PTPRD: variants seen among roughly 807,000 people sequenced by gnomAD.
PTPRD encodes protein tyrosine phosphatase receptor type D, also known as receptor-type tyrosine-protein phosphatase delta.
In PTPRD, 34 loss-of-function variants were observed where a neutral mutation model predicts 214.5. That is an observed-to-expected ratio of 0.16 (90% CI 0.12 to 0.21). The LOEUF (loss-of-function observed/expected upper bound fraction) is 0.21. Among genes scored for constraint, PTPRD ranks in the 10% least tolerant of loss-of-function variants. The pLI is 1.00. For missense variants in PTPRD, 2,545 were observed against 2,398.7 expected (o/e 1.06, Z -1.27); for synonymous variants, 1,128 against 845.7 (o/e 1.33, Z -5.79).
intron 3 of PTPRD, among the ~76,000 whole-genome samples, chr9:10,126,905 A>C (rs967155041): frequency 6.6e-6 from 1 of 150,618 alleles, no homozygotes; most frequent in African/African-American, 2.4e-5. Context: ...TTGCCATGTA[A>C]CCAGCTCCCA....
intron 14 of PTPRD, among the ~76,000 whole-genome samples, chr9:8,616,403 G>C (rs1435309800): frequency 6.6e-6 from 1 of 152,026 alleles, no homozygotes; most frequent in African/African-American, 2.4e-5. Context: ...TTAACACCTT[G>C]CTTTACAAGT....
intron 4 of PTPRD, among the ~76,000 whole-genome samples, chr9:9,974,136 G>T (rs932930038): frequency 3.3e-5 from 5 of 152,158 alleles, no homozygotes; most frequent in African/African-American, 1.2e-4. Flanking sequence ...AAATGGAGAA[G>T]CCATCCTCAA....
At chr9:9,185,903 C>A (rs2099931133) in intron 9 of PTPRD, among the ~76,000 whole-genome samples, 1 of 150,036 alleles carries the variant, frequency 6.7e-6, no homozygotes, top group African/African-American at 2.5e-5. Context: ...GACCACCACA[C>A]AAGTGCCTTT....
chr9:8,751,681 A>G (rs1040517940), intron 11 of PTPRD, among the ~76,000 whole-genome samples: 2 of 152,176 alleles, frequency 1.3e-5, no homozygotes, highest in Non-Finnish European at 2.9e-5. Flanking sequence ...TTCATCCCTT[A>G]GTCTTCACTC....
At position 10,256,155 on chromosome 9, in the gene PTPRD, C is replaced by T. The variant is rs996136155; in HGVS notation, c.-545+84808G>A. 1.3e-4 allele frequency among the ~76,000 whole-genome samples: 20 copies of T among 152,174 alleles called. 1 individual carries two copies. The highest frequency in any genetic ancestry group is 1.2e-3 in the Admixed American group (19 of 15,268). On this transcript the variant is annotated intron_variant, in intron 3 of 45. Coordinates refer to ENST00000381196, the MANE Select transcript of PTPRD (RefSeq NM_002839.4). ...TTTCATCCTGAAACCAACCCACCCT[C>T]TCCCATTGCCCTCAGTTTGTGGAAA...
At chr9:9,133,211 A>T (rs1372256853) in intron 10 of PTPRD, among the ~76,000 whole-genome samples, 1 of 152,196 alleles carries the variant, frequency 6.6e-6, no homozygotes, top group Non-Finnish European at 1.5e-5. Context: ...AGAGAATTAC[A>T]CAGAGGTAGG....
At chr9:9,189,114 G>A (rs911894675) in intron 9 of PTPRD, among the ~76,000 whole-genome samples, 8 of 152,026 alleles carry the variant, frequency 5.3e-5, no homozygotes, top group African/African-American at 1.7e-4. Flanking sequence ...TTTCAGGTAT[G>A]AGGAATTTTC....
intron 9 of PTPRD, among the ~76,000 whole-genome samples, chr9:9,276,923 C>T (rs1945867491): frequency 6.6e-6 from 1 of 151,346 alleles, no homozygotes; most frequent in Non-Finnish European, 1.5e-5. Context: ...TTCCTTTTGC[C>T]TGGAAAGTTA....
rs2084461977 is a variant in PTPRD, at chr9:9,566,156, TCTCA to T, written c.-237+8572_-237+8575del. Reference sequence around the variant, plus strand: ...TTTCTTTTCCAGTACTTATTAAAATTCTCACTAATTACATTTATACGTGGACAAC... The same window carrying T: ...TTTCTTTTCCAGTACTTATTAAAATTCTAATTACATTTATACGTGGACAAC... On this transcript the variant is annotated intron_variant, in intron 8 of 45. Transcript: ENST00000381196. Among the ~76,000 whole-genome samples, 3 of 152,120 alleles carry T rather than the reference TCTCA, an allele frequency of 2.0e-5. No individual in the cohort carries two copies. In the South Asian group the frequency reaches 6.2e-4, roughly 32 times the overall value.
intron 6 of PTPRD, among the ~76,000 whole-genome samples, chr9:9,763,780 A>T (rs1184876467): frequency 2.0e-5 from 3 of 152,068 alleles, no homozygotes; most frequent in African/African-American, 4.8e-5. Context: ...AATTTGCATT[A>T]AAAAGTTTAT....
chr9:10,174,388 G>C (rs190803029), intron 3 of PTPRD, among the ~76,000 whole-genome samples: 49 of 152,152 alleles, frequency 3.2e-4, no homozygotes, highest in African/African-American at 1.2e-3. Flanking sequence ...CTCTGCACAG[G>C]CTGGCTCCCT....
intron 8 of PTPRD, among the ~76,000 whole-genome samples, chr9:9,542,541 G>C (rs2077839554): frequency 6.6e-6 from 1 of 151,356 alleles, no homozygotes; most frequent in Non-Finnish European, 1.5e-5. Context: ...CTACAGACTG[G>C]AAAAAAATAT....
chr9:8,763,985 G>C (rs1222921182), intron 11 of PTPRD, among the ~76,000 whole-genome samples: 1 of 152,274 alleles, frequency 6.6e-6, no homozygotes, highest in East Asian at 1.9e-4. Context: ...TCAGTTTCAA[G>C]AGTTCATTAA....
chr9:9,781,635 C>T (rs1407385962), intron 5 of PTPRD, among the ~76,000 whole-genome samples: 1 of 152,100 alleles, frequency 6.6e-6, no homozygotes, highest in Non-Finnish European at 1.5e-5. Flanking sequence ...TGTTTCCTTT[C>T]CCTGAATTAT....
At chr9:9,970,763 C>T (rs2095053303) in intron 4 of PTPRD, among the ~76,000 whole-genome samples, 1 of 152,140 alleles carries the variant, frequency 6.6e-6, no homozygotes, top group African/African-American at 2.4e-5. Flanking sequence ...GAAGGCAGAG[C>T]TTCTGGAGTA....
intron 4 of PTPRD, among the ~76,000 whole-genome samples, chr9:9,957,603 AAAC>A (rs1555394078): frequency 6.6e-6 from 1 of 152,148 alleles, no homozygotes; most frequent in Non-Finnish European, 1.5e-5. Flanking sequence ...AGCAAAAACA[AAAC>A]AACAACAAAA....
intron 6 of PTPRD, among the ~76,000 whole-genome samples, chr9:9,752,544 C>T (rs999999932): frequency 5.3e-5 from 8 of 151,824 alleles, no homozygotes; most frequent in African/African-American, 1.9e-4. Context: ...TTTTTAGAAT[C>T]CCGTGGAGCT....
intron 3 of PTPRD, among the ~76,000 whole-genome samples, chr9:10,158,212 T>C (rs559722364): frequency 1.1e-4 from 16 of 152,302 alleles, no homozygotes; most frequent in East Asian, 5.8e-4. Context: ...TTTCACCATG[T>C]TGGCCAGGCT....
chr9:9,618,073 A>AAC (rs2095005840), intron 7 of PTPRD, among the ~76,000 whole-genome samples: 1 of 62,500 alleles, frequency 1.6e-5, no homozygotes, highest in Non-Finnish European at 3.2e-5. Context: ...CTCCATCTCA[A>AAC]AAAAAAAAAA....
Sources: gnomAD v4.1 joint callset for allele counts (sites outside exome capture counted in the v4.1 genomes callset) on GRCh38, gnomAD v4.1.1 for gene constraint, MANE v1.5 for transcripts, NCBI Gene and HGNC (gene_info 2026-07-23, HGNC 2026-07-21) for gene names.